STK3: variants seen among roughly 807,000 people sequenced by gnomAD.
The protein encoded by STK3 is serine/threonine kinase 3.
STK3 carries 41 observed loss-of-function variants against 58.0 expected under a neutral mutation model. That is an observed-to-expected ratio of 0.71 (90% CI 0.55 to 0.92). STK3 has a LOEUF of 0.92. STK3 is among the 40% of genes least tolerant of loss of function. The pLI is 0.00. For synonymous variants in STK3, 170 were observed against 191.0 expected, an observed-to-expected ratio of 0.89 and a Z score of 0.91; for missense variants, 479 against 602.7, an observed-to-expected ratio of 0.79 and a Z score of 2.15.
intron 9 of STK3, among the ~76,000 whole-genome samples, chr8:98,545,000 T>C (rs926640402): frequency 4.6e-5 from 7 of 152,066 alleles, no homozygotes; most frequent in Non-Finnish European, 8.8e-5. Flanking sequence ...AGATCTGAGC[T>C]GAACAAACTA....
chr8:98,715,704 C>G (rs903665726), intron 4 of STK3, among the ~76,000 whole-genome samples: 2 of 152,066 alleles, frequency 1.3e-5, no homozygotes, highest in Admixed American at 1.3e-4. Flanking sequence ...CTAGTTCAAC[C>G]ATTGTGGAAG....
chr8:98,623,087 A>T (rs936557669), intron 6 of STK3, among the ~76,000 whole-genome samples: 2 of 152,148 alleles, frequency 1.3e-5, no homozygotes, highest in Admixed American at 1.3e-4. Context: ...TGGGATACAG[A>T]ATAGAGGTTG....
At chr8:98,694,390 T>G (rs770579670) in intron 6 of STK3, among the ~76,000 whole-genome samples, 3 of 152,200 alleles carry the variant, frequency 2.0e-5, no homozygotes, top group Non-Finnish European at 4.4e-5. Context: ...AGGGTACATG[T>G]GCACAATGTG....
In STK3 at chr8:98,846,509, A is replaced by C. The variant is rs144286278; in HGVS notation, c.110+37138T>G. On this transcript the variant is annotated intron_variant, in intron 3 of 12. Transcript: ENST00000523601. ...GGATGCCGCAGTGAACAAAACATAC[A>C]TAAGTCTTTGCCCCCTTGGTCCTGT... Among the ~76,000 whole-genome samples, 14 of 152,324 alleles carry C rather than the reference A, an allele frequency of 9.2e-5. No homozygotes were observed. In the East Asian group the frequency reaches 2.3e-3, roughly 25 times the overall value.
intron 10 of STK3, among the ~76,000 whole-genome samples, chr8:98,514,340 G>C (rs1452272392): frequency 6.6e-6 from 1 of 152,102 alleles, no homozygotes; most frequent in Non-Finnish European, 1.5e-5. Context: ...AGGGAGATTA[G>C]AAAGAGCATG....
chr8:98,755,047 A>C (rs1415894379), intron 3 of STK3, among the ~76,000 whole-genome samples: 3 of 152,176 alleles, frequency 2.0e-5, no homozygotes, highest in Admixed American at 1.3e-4. Context: ...GTCAAGAGAA[A>C]ACTTTGGCAA....
chr8:98,828,453 AAAAAAAAAAAAAC>A (rs1835402309), upstream of STK3, among the ~76,000 whole-genome samples: 1 of 149,332 alleles, frequency 6.7e-6, no homozygotes, highest in Non-Finnish European at 1.5e-5. Context: ...AAAAAAAAAA[AAAAAAAAAAAAAC>A]AAAAGAAATA....
At chr8:98,530,447 A>C (rs1826087529) in intron 9 of STK3, among the ~76,000 whole-genome samples, 1 of 152,192 alleles carries the variant, frequency 6.6e-6, no homozygotes, top group Admixed American at 6.5e-5. Context: ...GAGTGACATC[A>C]GAAAGATGGC....
chr8:98,428,698 T>G lies in STK3; in HGVS notation n.483+5429A>C. 1 of 1,614,214 alleles carries G rather than the reference T, an allele frequency of 6.2e-7. No homozygotes were observed. Among genetic ancestry groups the G allele is most frequent in the African/African-American group, 1.3e-5 (1 of 75,054 alleles). On this transcript the variant is annotated intron_variant and non_coding_transcript_variant, in intron 3 of 3. Coordinates refer to the STK3 transcript ENST00000517832. The surrounding 1 kb of genome is among the most constrained non-coding windows in gnomAD (Gnocchi z 6.7). ...CACTTTGGCATTGCCTGGTTCACATTTGAGCTGGTGGCCAGGTTTGCTGTG... is the reference window on the plus strand; with the variant it reads ...CACTTTGGCATTGCCTGGTTCACATGTGAGCTGGTGGCCAGGTTTGCTGTG...
intron 7 of STK3, among the ~76,000 whole-genome samples, chr8:98,580,994 CCAAA>C (rs1400771790): frequency 6.6e-6 from 1 of 152,124 alleles, no homozygotes; most frequent in Admixed American, 6.5e-5. Context: ...ATTAATCTTA[CCAAA>C]CAAATTAAGT....
intron 1 of STK3, among the ~76,000 whole-genome samples, chr8:98,793,923 T>G (rs1352689658): frequency 6.6e-6 from 1 of 152,098 alleles, no homozygotes; most frequent in Non-Finnish European, 1.5e-5. Flanking sequence ...ACATGGAAAT[T>G]AAACAACTTA....
intron 8 of STK3, among the ~76,000 whole-genome samples, chr8:98,562,737 G>GAAAAAA (rs778049177): frequency 0.014 from 244 of 17,398 alleles, 42 homozygotes; most frequent in Middle Eastern, 0.071. Flanking sequence ...CACAAAAAAT[G>GAAAAAA]AAAAAAAAAA....
intron 4 of STK3, chr8:98,722,708 T>C (rs954505462): frequency 1.1e-4 from 18 of 161,706 alleles, no homozygotes; most frequent in Non-Finnish European, 1.4e-5. Context: ...AGAGAACTAC[T>C]TCTTTCCATT....
intron 8 of STK3, among the ~76,000 whole-genome samples, chr8:98,570,530 G>A (rs1261917960): frequency 6.6e-6 from 1 of 152,012 alleles, no homozygotes; most frequent in Non-Finnish European, 1.5e-5. Flanking sequence ...GTTTTAAAAT[G>A]TTTTTTAAAA....
At chr8:98,596,551 T>A (rs1390371379) in intron 6 of STK3, among the ~76,000 whole-genome samples, 1 of 152,166 alleles carries the variant, frequency 6.6e-6, no homozygotes, top group Non-Finnish European at 1.5e-5. Context: ...CATTGCTGCT[T>A]AAAATGGGTA....
chr8:98,373,272 C>G (rs1285150658), intron 2 of STK3, among the ~76,000 whole-genome samples: 1 of 152,164 alleles, frequency 6.6e-6, no homozygotes, highest in Non-Finnish European at 1.5e-5. Context: ...ATGATTGGAT[C>G]TTTTCCCCAA....
chr8:98,909,071 GA>G (rs1202708794), intron 1 of STK3, among the ~76,000 whole-genome samples: 1 of 152,122 alleles, frequency 6.6e-6, no homozygotes, highest in Non-Finnish European at 1.5e-5. Context: ...TGAGGCAGGA[GA>G]ATTGCTTGAA....
intron 10 of STK3, among the ~76,000 whole-genome samples, chr8:98,514,833 T>C (rs1824805436): frequency 6.6e-6 from 1 of 152,122 alleles, no homozygotes; most frequent in Admixed American, 6.6e-5. Flanking sequence ...TTATATGTCC[T>C]CCAGACACTG....
chr8:98,598,805 T>G (rs1816055948), intron 6 of STK3: 1 of 985,252 alleles, frequency 1.0e-6, no homozygotes, highest in Non-Finnish European at 1.2e-6. Context: ...CTTGTGTTTG[T>G]TTCTACACAA....
Sources: gnomAD v4.1 joint callset for allele counts (sites outside exome capture counted in the v4.1 genomes callset) on GRCh38, gnomAD v4.1.1 for gene constraint, Gnocchi (gnomAD v3.1) non-coding constraint, MANE v1.5 for transcripts, NCBI Gene and HGNC (gene_info 2026-07-23, HGNC 2026-07-21) for gene names.